The following PCNX2 variants were observed in gnomAD, a reference collection of about 807,000 sequenced individuals.
PCNX2 encodes pecanex 2.
In PCNX2, 168 loss-of-function variants were observed where a neutral mutation model predicts 223.8. That is an observed-to-expected ratio of 0.75 (90% CI 0.66 to 0.85). PCNX2 has a LOEUF of 0.85. Ranked by LOEUF, PCNX2 falls within the 40% of genes least tolerant of loss-of-function variation. PCNX2 has a pLI of 0.00. For synonymous variants in PCNX2, 1,006 were observed against 1,052.6 expected (o/e 0.96, Z 0.86); for missense variants, 2,507 against 2,675.5 (o/e 0.94, Z 1.39).
At chr1:233,022,720 C>CA (rs1670940767) in intron 26 of PCNX2, among the ~76,000 whole-genome samples, 2 of 129,326 alleles carry the variant, frequency 1.5e-5, no homozygotes, top group Non-Finnish European at 3.2e-5. Flanking sequence ...TTTTTTGAGA[C>CA]AGAGTCTCGC....
rs529094252 is a variant in PCNX2, at chr1:233,173,757, T to C, written c.3273+4045A>G. ...ATAAACTGCGGTAGTTAGTTTACTT[T>C]ATTTGTGACACTACTTGTTAGAAAT... On this transcript the variant is annotated intron_variant, in intron 17 of 33. Coordinates refer to ENST00000258229, the MANE Select transcript of PCNX2 (RefSeq NM_014801.4). Among the ~76,000 whole-genome samples, 6 of 152,302 alleles carry C rather than the reference T, an allele frequency of 3.9e-5. No homozygotes were observed. The East Asian group carries it at 1.2e-3, about 29-fold the overall frequency.
chr1:233,047,636 T>A (rs1389204515), intron 25 of PCNX2, among the ~76,000 whole-genome samples: 1 of 152,158 alleles, frequency 6.6e-6, no homozygotes, highest in Non-Finnish European at 1.5e-5. Flanking sequence ...GATAAAGTGT[T>A]CAATTCAACA....
At chr1:233,174,014 T>C (rs1432002055) in intron 17 of PCNX2, among the ~76,000 whole-genome samples, 2 of 130,128 alleles carry the variant, frequency 1.5e-5, no homozygotes, top group Non-Finnish European at 3.4e-5. Flanking sequence ...TACTCTTTAC[T>C]ATTTTGCTTT....
At chr1:233,105,197 T>C (rs1177901398) in intron 21 of PCNX2, among the ~76,000 whole-genome samples, 1 of 152,164 alleles carries the variant, frequency 6.6e-6, no homozygotes, top group Non-Finnish European at 1.5e-5. Flanking sequence ...TCTATAAATG[T>C]ATAAAAACAC....
At chr1:233,182,909 CT>C (rs952859156) in intron 15 of PCNX2, among the ~76,000 whole-genome samples, 2 of 151,314 alleles carry the variant, frequency 1.3e-5, no homozygotes, top group Admixed American at 6.6e-5. Context: ...TAAAGTGTCT[CT>C]TTTTTTTTCA....
intron 19 of PCNX2, among the ~76,000 whole-genome samples, chr1:233,158,364 C>A (rs528054920): frequency 6.6e-6 from 1 of 151,780 alleles, no homozygotes; most frequent in East Asian, 1.9e-4. Context: ...GGGGCATAGG[C>A]ATAGTTTAAG....
intron 19 of PCNX2, among the ~76,000 whole-genome samples, chr1:233,150,975 G>T (rs1283023034): frequency 1.3e-5 from 2 of 152,050 alleles, no homozygotes; most frequent in Non-Finnish European, 2.9e-5. Context: ...ACATGAAGAG[G>T]GCTAGGAGAG....
In PCNX2 at chr1:233,061,493, ACCT is replaced by A. The variant is rs1487199638; in HGVS notation, c.4077-4206_4077-4204del. On this transcript the variant is annotated intron_variant, in intron 23 of 33. Coordinates refer to ENST00000258229, the MANE Select transcript of PCNX2 (RefSeq NM_014801.4). The stretch of plus-strand genomic sequence containing the variant: ...TGCCTCGGATCAGCGCCTTCAGGTG[ACCT>A]CCAGCCTTACTGGGCCTGGGTTTTG... Among the ~76,000 whole-genome samples, 3 of 152,084 alleles carry A rather than the reference ACCT, an allele frequency of 2.0e-5. No homozygotes were observed. In the East Asian group the frequency reaches 5.8e-4, roughly 29 times the overall value.
rs746578874 is a variant in PCNX2 at position 233,025,359 on chromosome 1, C to T, written c.4392G>A (p.Glu1464=). ...CQQREVEAIM[E]GDEEDRGCCC... Reference sequence around the variant, plus strand: ...AGCAGCCTCTGTCCTCCTCGTCGCCCTCCATGATGGCTTCTACCTCCCTCT... The same window carrying T: ...AGCAGCCTCTGTCCTCCTCGTCGCCTTCCATGATGGCTTCTACCTCCCTCT... The change falls in exon 26 of 34, where the codon GAG becomes GAA. Residue 1464 remains glutamate, a synonymous_variant. Transcript: ENST00000258229. 1.2e-6 allele frequency: 2 copies of T among 1,613,882 alleles called. No individual in the cohort carries two copies. Among genetic ancestry groups the T allele is most frequent in the South Asian group, 2.2e-5 (2 of 91,090 alleles).
intron 3 of PCNX2, 47 bp downstream of exon 3, chr1:233,261,998 C>T (rs959675776): frequency 1.2e-6 from 2 of 1,609,286 alleles, no homozygotes; most frequent in Non-Finnish European, 1.7e-6. Flanking sequence ...GTGAGATCAA[C>T]ATCGAAATCA....
chr1:233,108,870 C>T lies in PCNX2; in HGVS notation c.3838-13007G>A, dbSNP rs72763998. Reference sequence around the variant, plus strand: ...CAAGGGGTTTCATTAGAAAATTAATCAGAATGTCCTCCGTGTCCCACCCCC... The same window carrying T: ...CAAGGGGTTTCATTAGAAAATTAATTAGAATGTCCTCCGTGTCCCACCCCC... On this transcript the variant is annotated intron_variant, in intron 21 of 33. Coordinates refer to ENST00000258229, the MANE Select transcript of PCNX2 (RefSeq NM_014801.4). Among the ~76,000 whole-genome samples, 1,236 of 152,232 alleles carry T rather than the reference C, an allele frequency of 8.1e-3. 10 individuals carry two copies. Among genetic ancestry groups the T allele is most frequent in the Non-Finnish European group, 0.013 (906 of 68,016 alleles).
At chr1:233,275,312 CCTG>C (rs1660851630) in intron 1 of PCNX2, among the ~76,000 whole-genome samples, 2 of 152,194 alleles carry the variant, frequency 1.3e-5, no homozygotes, top group South Asian at 4.1e-4. Context: ...AAGTGATTCT[CCTG>C]CTTCAGCCTC....
chr1:233,116,611 G>T (rs886657196), intron 21 of PCNX2, among the ~76,000 whole-genome samples: 25 of 152,160 alleles, frequency 1.6e-4, no homozygotes, highest in African/African-American at 6.0e-4. Context: ...GAATGAAAAT[G>T]AATGTATAAC....
chr1:233,034,557 T>C (rs954382566), intron 25 of PCNX2, among the ~76,000 whole-genome samples: 1 of 152,206 alleles, frequency 6.6e-6, no homozygotes, highest in Non-Finnish European at 1.5e-5. Flanking sequence ...TTCTTAAGTA[T>C]TGAGTGGCAG....
chr1:233,041,381 G>T (rs182335138), intron 25 of PCNX2, among the ~76,000 whole-genome samples: 1 of 152,084 alleles, frequency 6.6e-6, no homozygotes, highest in Non-Finnish European at 1.5e-5. Context: ...ATGTGATGCC[G>T]CAAGTGAAAA....
rs548756993 is a variant in PCNX2 at position 233,007,234 on chromosome 1, A to G, written c.4953-5553T>C. ...GACTAGCACCATCTCTGAGCAACTA[A>G]AAGTGAAACAGAAGGAGACACCTTC... On this transcript the variant is annotated intron_variant, in intron 28 of 33. Transcript: ENST00000258229. Among the ~76,000 whole-genome samples the G allele has an allele frequency of 5.9e-5, 9 of 151,350 alleles. 1 individual carries two copies. In the East Asian group the frequency reaches 1.6e-3, roughly 26 times the overall value.
intron 1 of PCNX2, among the ~76,000 whole-genome samples, chr1:233,270,652 T>A (rs1003829434): frequency 2.0e-5 from 3 of 152,206 alleles, no homozygotes; most frequent in African/African-American, 7.2e-5. Context: ...AAAAGTAGAA[T>A]AGAACACTTT....
rs148735500 is a variant in PCNX2 at position 233,233,637 on chromosome 1, C to A, written c.2358+3208G>T. ...CTGACCACCCGCCCATTAGAGCCTG[C>A]AGAATTCCATCCTTTACTAGAAAGA... On this transcript the variant is annotated intron_variant, in intron 9 of 33. Coordinates refer to ENST00000258229, the MANE Select transcript of PCNX2 (RefSeq NM_014801.4). Among the ~76,000 whole-genome samples the A allele has an allele frequency of 8.1e-3, 1,225 of 152,150 alleles. 18 individuals carry two copies. Among genetic ancestry groups the A allele is most frequent in the African/African-American group, 0.028 (1,168 of 41,490 alleles).
chr1:233,191,673 A>T (rs986238431), intron 15 of PCNX2, among the ~76,000 whole-genome samples: 2 of 152,198 alleles, frequency 1.3e-5, no homozygotes, highest in African/African-American at 4.8e-5. Context: ...TCCTCTCTCC[A>T]TTTGAAAGAC....
Sources: allele counts gnomAD v4.1 joint callset (sites outside exome capture counted in the v4.1 genomes callset), GRCh38; gene constraint gnomAD v4.1.1; transcripts MANE v1.5; gene names NCBI Gene and HGNC (gene_info 2026-07-23, HGNC 2026-07-21).